Variants in CIDEA observed in about 807,000 individuals in gnomAD.
The protein encoded by CIDEA is lipid transferase CIDEA.
A neutral mutation model predicts 18.2 loss-of-function variants in CIDEA; 10 were observed. The ratio of observed to expected loss-of-function variants is 0.55; its 90% CI spans 0.34 to 0.93. The LOEUF (loss-of-function observed/expected upper bound fraction) is 0.93. Ranked by LOEUF, CIDEA falls within the 40% of genes least tolerant of loss-of-function variation. The probability of loss-of-function intolerance (pLI) is 0.02; values close to 1 mark genes in which losing one functional copy is unlikely to be tolerated. For missense variants in CIDEA, 309 were observed against 293.1 expected, an observed-to-expected ratio of 1.05 and a Z score of -0.40; for synonymous variants, 128 against 124.8, an observed-to-expected ratio of 1.03 and a Z score of -0.17.
At chr18:12,275,702 C>G (rs1478761369) in intron 4 of CIDEA, among the ~76,000 whole-genome samples, 2 of 152,140 alleles carry the variant, frequency 1.3e-5, no homozygotes, top group African/African-American at 4.8e-5. Context: ...GGTCTCCTGG[C>G]CTCACCTGAG....
chr18:12,273,395 C>T (rs751393150), intron 3 of CIDEA, among the ~76,000 whole-genome samples: 1 of 152,174 alleles, frequency 6.6e-6, no homozygotes, highest in Non-Finnish European at 1.5e-5. Flanking sequence ...GTACTGGGGG[C>T]AGCTTTGCTC....
chr18:12,260,351 T>C (rs1240328545), intron 1 of CIDEA, among the ~76,000 whole-genome samples: 1 of 144,958 alleles, frequency 6.9e-6, no homozygotes, highest in Non-Finnish European at 1.5e-5. Context: ...AATTTTTTTT[T>C]TCAATTTATT....
chr18:12,263,885 A>G (rs1015236640), intron 2 of CIDEA: 1 of 153,336 alleles, frequency 6.5e-6, no homozygotes, highest in African/African-American at 2.4e-5. Flanking sequence ...AGAAATTACA[A>G]ATATTATTTA....
chr18:12,266,695 ATCTC>A (rs1208248771), intron 3 of CIDEA, among the ~76,000 whole-genome samples: 1 of 152,066 alleles, frequency 6.6e-6, no homozygotes, highest in Non-Finnish European at 1.5e-5. Context: ...CTGAAATCTA[ATCTC>A]TCTCTCTTTG....
At chr18:12,259,696 A>G (rs1280515735) in intron 1 of CIDEA, among the ~76,000 whole-genome samples, 4 of 152,096 alleles carry the variant, frequency 2.6e-5, no homozygotes, top group Non-Finnish European at 5.9e-5. Context: ...CCTTTTCTTT[A>G]CTAAAAATAC....
chr18:12,274,173 C>T lies in CIDEA; in HGVS notation c.411C>T (p.Asn137=). ...TCACCTTCGACTTGTACAGGCTGAACCCCAAGGACTTCATCGGCTGCCTTA... is the reference window on the plus strand; with the variant it reads ...TCACCTTCGACTTGTACAGGCTGAATCCCAAGGACTTCATCGGCTGCCTTA... The part of the protein sequence containing the change: ...ARVTFDLYRL[N]PKDFIGCLNV... The change falls in exon 4 of 5, where the codon AAC becomes AAT. Residue 137 remains asparagine (N), a synonymous_variant. Transcript: ENST00000320477. 2 of 1,614,220 alleles carry T rather than the reference C, an allele frequency of 1.2e-6. No homozygotes were observed. The highest frequency in any genetic ancestry group is 1.7e-6 in the Non-Finnish European group (2 of 1,180,046).
At chr18:12,271,514 C>A (rs1182542459) in intron 3 of CIDEA, among the ~76,000 whole-genome samples, 2 of 152,078 alleles carry the variant, frequency 1.3e-5, no homozygotes. Context: ...GTGTGGGTTT[C>A]ATGCCACTGA....
chr18:12,255,961 T>A (rs543957171), intron 1 of CIDEA, among the ~76,000 whole-genome samples: 2 of 152,238 alleles, frequency 1.3e-5, no homozygotes, highest in Non-Finnish European at 2.9e-5. Flanking sequence ...CTACCTGTTA[T>A]GGACAAGCTG....
intron 1 of CIDEA, chr18:12,254,767 C>A (rs760621837): frequency 1.4e-6 from 2 of 1,388,048 alleles, no homozygotes; most frequent in South Asian, 1.2e-5. Flanking sequence ...GCTGCAGTCG[C>A]GGGCGCAGAA....
chr18:12,268,474 G>A (rs1459189730), intron 3 of CIDEA, among the ~76,000 whole-genome samples: 2 of 150,636 alleles, frequency 1.3e-5, no homozygotes, highest in African/African-American at 2.5e-5. Flanking sequence ...TCAGCTCACT[G>A]CTACCTCGAC....
chr18:12,271,786 T>G (rs1912540679), intron 3 of CIDEA, among the ~76,000 whole-genome samples: 1 of 151,610 alleles, frequency 6.6e-6, no homozygotes, highest in Non-Finnish European at 1.5e-5. Context: ...GCAAAACCAG[T>G]TTAGACTGAG....
intron 1 of CIDEA, chr18:12,254,870 G>A: frequency 1.5e-6 from 2 of 1,325,360 alleles, no homozygotes; most frequent in South Asian, 2.4e-5. Flanking sequence ...GGAGCTGGGC[G>A]CGGGAGGGGC....
rs535363732 is a variant in CIDEA, at chr18:12,267,602, T to C, written c.330+3149T>C. Among the ~76,000 whole-genome samples, 12 of 152,286 alleles carry C rather than the reference T, an allele frequency of 7.9e-5. No homozygotes were observed. The East Asian group carries it at 2.3e-3, about 30-fold the overall frequency. ...TCTGCCTCCCTGGCTCAAGTGTTTCTTGTGCCTCAGCCTCCCAAGTAGCTG... is the reference window on the plus strand; with the variant it reads ...TCTGCCTCCCTGGCTCAAGTGTTTCCTGTGCCTCAGCCTCCCAAGTAGCTG... On this transcript the variant is annotated intron_variant, in intron 3 of 4. Coordinates refer to ENST00000320477, the MANE Select transcript of CIDEA (RefSeq NM_001279.4).
chr18:12,257,930 C>G (rs1912083919), intron 1 of CIDEA, among the ~76,000 whole-genome samples: 1 of 152,164 alleles, frequency 6.6e-6, no homozygotes, highest in African/African-American at 2.4e-5. Flanking sequence ...GTTCATGTAG[C>G]AGCAGATTCG....
chr18:12,259,097 G>C (rs1912118577), intron 1 of CIDEA, among the ~76,000 whole-genome samples: 1 of 152,224 alleles, frequency 6.6e-6, no homozygotes, highest in Admixed American at 6.5e-5. Context: ...CAGTCCTGGG[G>C]CCGCGTTGGT....
At chr18:12,267,866 C>T (rs4796957) in intron 3 of CIDEA, among the ~76,000 whole-genome samples, 35,361 of 151,850 alleles carry the variant, frequency 0.23, 5,113 homozygotes, top group East Asian at 0.39. Flanking sequence ...CCTTGGGGGA[C>T]ATTTGTTAAT....
At chr18:12,262,593 T>C (rs1304637806) in intron 1 of CIDEA, among the ~76,000 whole-genome samples, 2 of 152,226 alleles carry the variant, frequency 1.3e-5, no homozygotes, top group Non-Finnish European at 2.9e-5. Context: ...AGCAAGGACT[T>C]TGGATGTTCT....
intron 4 of CIDEA, among the ~76,000 whole-genome samples, 169 bp from the exon 5 acceptor site, chr18:12,276,939 CGGCAGCTGCATCTGT>C (rs1905355115): frequency 6.6e-6 from 1 of 152,224 alleles, no homozygotes; most frequent in African/African-American, 2.4e-5. Flanking sequence ...CCCACTGCCA[CGGCAGCTGCATCTGT>C]GCCAGCCCTG....
chr18:12,254,646 C>A lies in CIDEA; in HGVS notation c.38+225C>A, dbSNP rs139878472. On this transcript the variant is annotated intron_variant, in intron 1 of 4. Transcript: ENST00000320477. ...CAGAGCCCAATCCCGTCCCGCGCCT[C>A]CTCACCCTCTTGCAGCTGGGCACAG... The A allele has an allele frequency of 9.8e-6, 15 of 1,529,796 alleles. No homozygotes were observed. The African/African-American group carries it at 1.9e-4, about 20-fold the overall frequency. The allele number at this position is 1,529,796 out of a possible 1,614,324, so 94.8% of individuals were successfully genotyped here.
Sources: allele counts gnomAD v4.1 joint callset (sites outside exome capture counted in the v4.1 genomes callset), GRCh38; gene constraint gnomAD v4.1.1; transcripts MANE v1.5; gene names NCBI Gene and HGNC (gene_info 2026-07-23, HGNC 2026-07-21).